Variants in ISM1 observed in about 807,000 individuals in gnomAD.
The protein encoded by ISM1 is isthmin 1.
In ISM1, 25 loss-of-function variants were observed where a neutral mutation model predicts 46.3. That is an observed-to-expected ratio of 0.54 (90% CI 0.39 to 0.75). ISM1 has a LOEUF of 0.75. ISM1 is among the 30% of genes least tolerant of loss of function. The probability of loss-of-function intolerance (pLI) is 0.00; values close to 1 mark genes in which losing one functional copy is unlikely to be tolerated. For synonymous variants in ISM1, 255 were observed against 256.7 expected, an observed-to-expected ratio of 0.99 and a Z score of 0.06; for missense variants, 536 against 625.4, an observed-to-expected ratio of 0.86 and a Z score of 1.52.
chr20:13,326,655 C>T, the ISM1 span, among the ~76,000 whole-genome samples: 3 of 152,216 alleles, frequency 2.0e-5, no homozygotes, highest in Non-Finnish European at 1.5e-5. Flanking sequence ...TTCATAAATC[C>T]TTTTTGATGG....
chr20:13,292,757 C>A (rs760151424), intron 5 of ISM1, among the ~76,000 whole-genome samples: 1 of 152,128 alleles, frequency 6.6e-6, no homozygotes, highest in Non-Finnish European at 1.5e-5. Context: ...AGCAGGGGCT[C>A]AAGTCACATG....
the ISM1 span, among the ~76,000 whole-genome samples, chr20:13,307,459 A>G: frequency 6.6e-6 from 1 of 152,216 alleles, no homozygotes; most frequent in Non-Finnish European, 1.5e-5. Context: ...AATGTTCTAT[A>G]TATTGTGTGG....
chr20:13,269,934 A>AGGATGGATGGAT (rs60897306), intron 1 of ISM1, among the ~76,000 whole-genome samples: 85,653 of 149,760 alleles, frequency 0.57, 24,632 homozygotes, highest in East Asian at 0.66. Flanking sequence ...TGTGGGTGGA[A>AGGATGGATGGAT]GGATGGATGG....
intron 1 of ISM1, among the ~76,000 whole-genome samples, chr20:13,251,850 T>C (rs181234454): frequency 6.6e-6 from 1 of 152,300 alleles, no homozygotes; most frequent in Admixed American, 6.5e-5. Context: ...GGAGCCGAAC[T>C]CTTAGTAACT....
At chr20:13,268,352 CTCTCT>C (rs2123244179) in intron 1 of ISM1, among the ~76,000 whole-genome samples, 1 of 2,430 alleles carries the variant, frequency 4.1e-4, no homozygotes, top group East Asian at 0.014. Context: ...TTCTTCCTCT[CTCTCT>C]CTCTCTCTCT....
At chr20:13,237,964 G>C (rs892964092) in intron 1 of ISM1, 2 of 152,086 alleles carry the variant, frequency 1.3e-5, no homozygotes, top group African/African-American at 4.8e-5. Flanking sequence ...GCTGAGATGC[G>C]GTCCATATGA....
intron 1 of ISM1, among the ~76,000 whole-genome samples, chr20:13,260,979 G>A (rs570246218): frequency 2.0e-5 from 3 of 152,248 alleles, no homozygotes; most frequent in South Asian, 2.1e-4. Flanking sequence ...TGCTGCACAC[G>A]TCTCTCACCA....
the ISM1 span, among the ~76,000 whole-genome samples, chr20:13,308,511 G>A: frequency 6.6e-6 from 1 of 152,088 alleles, no homozygotes; most frequent in Non-Finnish European, 1.5e-5. Flanking sequence ...ATAGCTGGAT[G>A]CATCAGTTTC....
chr20:13,280,015 GCAAA>G, intron 3 of ISM1, 117 bp downstream of exon 3: 7 of 985,898 alleles, frequency 7.1e-6, no homozygotes, highest in Non-Finnish European at 1.0e-5. Context: ...CTTCTGTGAG[GCAAA>G]CCTCACAAAG....
chr20:13,290,257 C>T (rs546400268), intron 4 of ISM1, among the ~76,000 whole-genome samples: 1 of 150,484 alleles, frequency 6.6e-6, no homozygotes, highest in Non-Finnish European at 1.5e-5. Context: ...TAAATAATAA[C>T]AATATGAGGA....
At position 13,221,571 on chromosome 20, in the gene ISM1, G is replaced by GCGGCGC. The variant is rs1350200901; in HGVS notation, c.-201_-196dup. ...CCGTGGTGCGGCGGCGGCGGCGGCG[G>GCGGCGC]CGGCGCCGGCAGCTCCTGCTCCCCC... On this transcript the variant is annotated 5_prime_UTR_variant, in exon 1 of 6. Transcript: ENST00000262487. 1.4e-5 allele frequency among the ~76,000 whole-genome samples: 2 copies of GCGGCGC among 145,412 alleles called. No individual in the cohort carries two copies. The highest frequency in any genetic ancestry group is 2.5e-5 in the African/African-American group (1 of 40,668).
At chr20:13,323,057 A>T in the ISM1 span, among the ~76,000 whole-genome samples, 1 of 152,056 alleles carries the variant, frequency 6.6e-6, no homozygotes, top group Non-Finnish European at 1.5e-5. Flanking sequence ...ACTCTGGGGG[A>T]AGACACCACC....
At chr20:13,314,757 T>C in the ISM1 span, among the ~76,000 whole-genome samples, 1 of 152,126 alleles carries the variant, frequency 6.6e-6, no homozygotes, top group South Asian at 2.1e-4. Context: ...TTGATTGATC[T>C]AACAGATAAC....
chr20:13,267,395 C>A (rs1457942119), intron 1 of ISM1, among the ~76,000 whole-genome samples: 1 of 152,232 alleles, frequency 6.6e-6, no homozygotes, highest in African/African-American at 2.4e-5. Context: ...AGTTGTCTGA[C>A]TATTCCCGGC....
At chr20:13,322,665 G>A in the ISM1 span, among the ~76,000 whole-genome samples, 6 of 152,230 alleles carry the variant, frequency 3.9e-5, no homozygotes, top group Admixed American at 2.0e-4. Context: ...CAGACAGACA[G>A]ACTTTGAGAA....
intron 1 of ISM1, among the ~76,000 whole-genome samples, chr20:13,230,333 G>A (rs1179754344): frequency 2.0e-5 from 3 of 152,042 alleles, no homozygotes; most frequent in Non-Finnish European, 4.4e-5. Flanking sequence ...ACAGGTGGCT[G>A]CTCTCTTTTC....
At chr20:13,242,177 G>A (rs543769665) in intron 1 of ISM1, among the ~76,000 whole-genome samples, 16 of 152,250 alleles carry the variant, frequency 1.1e-4, no homozygotes, top group African/African-American at 3.9e-4. Flanking sequence ...GGTATGGGAG[G>A]TGAGGAGGTC....
At chr20:13,282,484 C>A (rs1021764207) in intron 3 of ISM1, among the ~76,000 whole-genome samples, 7 of 152,172 alleles carry the variant, frequency 4.6e-5, no homozygotes, top group Non-Finnish European at 1.0e-4. Flanking sequence ...AAGAACACCC[C>A]CTCTATTTCC....
At chr20:13,275,386 G>A (rs952055561) in intron 2 of ISM1, among the ~76,000 whole-genome samples, 1 of 152,118 alleles carries the variant, frequency 6.6e-6, no homozygotes, top group South Asian at 2.1e-4. Flanking sequence ...TGGCAGGTCT[G>A]GCTGGATAAG....
Sources: allele counts gnomAD v4.1 joint callset (sites outside exome capture counted in the v4.1 genomes callset), GRCh38; gene constraint gnomAD v4.1.1; transcripts MANE v1.5; gene names NCBI Gene and HGNC (gene_info 2026-07-23, HGNC 2026-07-21).